Variants in BLNK observed in about 807,000 individuals in gnomAD.
BLNK encodes B-cell linker protein.
A neutral mutation model predicts 73.5 loss-of-function variants in BLNK; 29 were observed. That is an observed-to-expected ratio of 0.39 (90% confidence interval 0.29 to 0.54). The LOEUF is 0.54. BLNK is among the 20% of genes least tolerant of loss of function. The pLI is 0.61. For missense variants in BLNK, 460 were observed against 562.8 expected, an observed-to-expected ratio of 0.82 and a Z score of 1.85; for synonymous variants, 176 against 200.8, an observed-to-expected ratio of 0.88 and a Z score of 1.04.
chr10:96,211,030 C>T (rs587657266), intron 8 of BLNK, among the ~76,000 whole-genome samples: 37 of 152,056 alleles, frequency 2.4e-4, no homozygotes, highest in Non-Finnish European at 4.6e-4. Context: ...CACCACCACA[C>T]CTGGCTAATT....
intron 2 of BLNK, among the ~76,000 whole-genome samples, chr10:96,244,225 TC>T (rs1415237614): frequency 1.3e-5 from 2 of 152,164 alleles, no homozygotes; most frequent in Non-Finnish European, 2.9e-5. Flanking sequence ...GAGACAGAGA[TC>T]ATCCAAGGTG....
chr10:96,200,074 C>A lies in BLNK; in HGVS notation c.1095+1G>T. 6.3e-7 allele frequency: 1 copy of A among 1,587,880 alleles called. No homozygotes were observed. The highest frequency in any genetic ancestry group is 8.6e-7 in the Non-Finnish European group (1 of 1,164,396). On this transcript the variant is annotated splice_donor_variant, in intron 15 of 16. Coordinates refer to ENST00000224337, the MANE Select transcript of BLNK (RefSeq NM_013314.4). LOFTEE classifies it high-confidence loss of function. This position sits in a 1 kb window ranked among gnomAD's most constrained non-coding sequence, Gnocchi z 4.3. ...ATAATAAATAATAAAAATGATCAGA[C>A]CTTGTTTGATCTGTGCAATGCCTCT...
Position 96,189,673 on chromosome 10 carries a change from T to G in BLNK, c.*2300A>C. 1 of 718,204 alleles carries G rather than the reference T, an allele frequency of 1.4e-6. No homozygotes were observed. The highest frequency in any genetic ancestry group is 2.6e-6 in the Non-Finnish European group (1 of 388,690). The allele number at this position is 718,204 out of a possible 1,614,324, so 44.5% of individuals were successfully genotyped here. ...GTATGTAGATTTCTTCAATGGTGCT[T>G]TTTCTTCAGTTTCCTCATCATCAAA... On this transcript the variant is annotated 3_prime_UTR_variant, in exon 17 of 17. Coordinates refer to ENST00000224337, the MANE Select transcript of BLNK (RefSeq NM_013314.4).
chr10:96,269,175 A>G (rs1409276151), intron 1 of BLNK, among the ~76,000 whole-genome samples: 1 of 152,208 alleles, frequency 6.6e-6, no homozygotes, highest in African/African-American at 2.4e-5. Flanking sequence ...AGTGGAAAAA[A>G]AGTTACTTTT....
intron 1 of BLNK, among the ~76,000 whole-genome samples, chr10:96,257,521 A>G (rs1179171292): frequency 2.0e-5 from 3 of 152,372 alleles, no homozygotes; most frequent in East Asian, 1.9e-4. Flanking sequence ...CATGTTGGCC[A>G]TACTGGGGCC....
intron 9 of BLNK, among the ~76,000 whole-genome samples, chr10:96,209,082 G>A (rs2083888878): frequency 6.6e-6 from 1 of 152,212 alleles, no homozygotes; most frequent in Admixed American, 6.5e-5. Context: ...TCACCTGACT[G>A]TTTACAAAGC....
intron 1 of BLNK, among the ~76,000 whole-genome samples, chr10:96,260,901 T>C (rs1315597641): frequency 6.6e-6 from 1 of 152,100 alleles, no homozygotes; most frequent in Non-Finnish European, 1.5e-5. Flanking sequence ...TGGGGTATAG[T>C]GGCGTTATCT....
At position 96,189,786 on chromosome 10, in the gene BLNK, C is replaced by T; in HGVS notation, c.*2187G>A. ...TTCTCTGGAATCTTGCTACCACCTCCAGGGACAGATCACTTTCCAGATATC... is the reference window on the plus strand; with the variant it reads ...TTCTCTGGAATCTTGCTACCACCTCTAGGGACAGATCACTTTCCAGATATC... On this transcript the variant is annotated 3_prime_UTR_variant, in exon 17 of 17. Coordinates refer to ENST00000224337, the MANE Select transcript of BLNK (RefSeq NM_013314.4). 1.1e-6 allele frequency: 1 copy of T among 892,050 alleles called. No individual in the cohort carries two copies. The highest frequency in any genetic ancestry group is 1.3e-5 in the South Asian group (1 of 76,574). The allele number at this position is 892,050 out of a possible 1,614,324, so 55.3% of individuals were successfully genotyped here. A position where few individuals can be genotyped will look rare whatever the true frequency, so the allele number is the denominator to read the frequency against.
At chr10:96,197,179 G>T in intron 15 of BLNK, 116 bp from the exon 16 acceptor site, 3 of 762,088 alleles carry the variant, frequency 3.9e-6, no homozygotes, top group South Asian at 2.0e-5. Flanking sequence ...AAATTATTTA[G>T]CTACATTATT....
chr10:96,206,841 T>C (rs1554897518), intron 11 of BLNK, among the ~76,000 whole-genome samples, 170 bp downstream of exon 11: 1 of 152,210 alleles, frequency 6.6e-6, no homozygotes, highest in African/African-American at 2.4e-5. Context: ...CATGCTGAGG[T>C]TCTGAGCTAG....
intron 13 of BLNK, among the ~76,000 whole-genome samples, chr10:96,201,461 T>C (rs2083632447): frequency 6.6e-6 from 1 of 152,210 alleles, no homozygotes; most frequent in South Asian, 2.1e-4. Flanking sequence ...ATATAGTTAT[T>C]TTTCATAAAA....
Position 96,215,242 on chromosome 10 carries a change from G to C in BLNK, c.676+79C>G. ...AATATTAAGACATTTGGAAATACAA[G>C]TGATTACTCTTCATAGTTGATCTGT... is the stretch of plus-strand genomic sequence containing the variant. On this transcript the variant is annotated intron_variant, in intron 8 of 16. Transcript: ENST00000224337. 2.1e-6 allele frequency: 3 copies of C among 1,418,744 alleles called. No individual in the cohort carries two copies. The South Asian group carries it at 3.5e-5, about 16-fold the overall frequency. The allele number at this position is 1,418,744 out of a possible 1,614,324, so 87.9% of individuals were successfully genotyped here. A position where few individuals can be genotyped will look rare whatever the true frequency, so the allele number is the denominator to read the frequency against.
chr10:96,261,521 G>C (rs1297817030), intron 1 of BLNK, among the ~76,000 whole-genome samples: 4 of 152,170 alleles, frequency 2.6e-5, no homozygotes, highest in Non-Finnish European at 5.9e-5. Context: ...CTAATAGGTA[G>C]CATCGGGTAT....
chr10:96,230,094 T>A (rs1020575790), intron 4 of BLNK, among the ~76,000 whole-genome samples: 1 of 152,176 alleles, frequency 6.6e-6, no homozygotes, highest in African/African-American at 2.4e-5. Flanking sequence ...GAATTTGATA[T>A]AAGTGAGGAA....
chr10:96,192,617 G>A (rs1311215181), intron 16 of BLNK, among the ~76,000 whole-genome samples: 2 of 151,982 alleles, frequency 1.3e-5, no homozygotes, highest in African/African-American at 4.8e-5. Context: ...TTGGTTCCTG[G>A]TAAGCTTAGA....
In BLNK at chr10:96,193,089, C is replaced by G. The variant is rs1046205045; in HGVS notation, c.1252-997G>C. Among the ~76,000 whole-genome samples, 8 of 152,134 alleles carry G rather than the reference C, an allele frequency of 5.3e-5. No homozygotes were observed. In the East Asian group the frequency reaches 1.5e-3, roughly 29 times the overall value. On this transcript the variant is annotated intron_variant, in intron 16 of 16. Transcript: ENST00000224337. Reference sequence around the variant, plus strand: ...CATTTCCAAATGAAATACCAGTTGTCTTTTAGATAATTGGCTAGCTGAATA... The same window carrying G: ...CATTTCCAAATGAAATACCAGTTGTGTTTTAGATAATTGGCTAGCTGAATA...
chr10:96,260,989 A>G lies in BLNK; in HGVS notation c.47+10363T>C, dbSNP rs199835555. ...CTCCTGAGTAGCTGGAACTACAGGC[A>G]TGTGCCATCATGCCCAGCTAATTTT... On this transcript the variant is annotated intron_variant, in intron 1 of 16. Coordinates refer to ENST00000224337, the MANE Select transcript of BLNK (RefSeq NM_013314.4). Among the ~76,000 whole-genome samples the G allele has an allele frequency of 1.4e-4, 21 of 152,184 alleles. No individual in the cohort carries two copies. In the East Asian group the frequency reaches 3.9e-3, roughly 28 times the overall value.
intron 3 of BLNK, among the ~76,000 whole-genome samples, chr10:96,239,759 A>G (rs1554905783): frequency 6.6e-6 from 1 of 152,168 alleles, no homozygotes; most frequent in African/African-American, 2.4e-5. Flanking sequence ...AAAAGGATGA[A>G]TAATAGATGG....
At chr10:96,238,667 C>T (rs781901566) in intron 3 of BLNK, among the ~76,000 whole-genome samples, 1 of 152,074 alleles carries the variant, frequency 6.6e-6, no homozygotes, top group Non-Finnish European at 1.5e-5. Flanking sequence ...GGGGAGAGAA[C>T]GGCAAGGGAG....
Sources: gnomAD v4.1 joint callset for allele counts (sites outside exome capture counted in the v4.1 genomes callset) on GRCh38, gnomAD v4.1.1 for gene constraint, Gnocchi (gnomAD v3.1) non-coding constraint, MANE v1.5 for transcripts, NCBI Gene and HGNC (gene_info 2026-07-23, HGNC 2026-07-21) for gene names.